GLI3: variants seen among roughly 807,000 people sequenced by gnomAD.
The protein encoded by GLI3 is GLI family zinc finger 3, also known as transcription activator GLI3.
A neutral mutation model predicts 100.8 loss-of-function variants in GLI3; 20 were observed. The ratio of observed to expected loss-of-function variants is 0.20; its 90% CI spans 0.14 to 0.29. The LOEUF is 0.29. GLI3 is among the 10% of genes least tolerant of loss of function. The pLI, the probability that GLI3 is intolerant of heterozygous loss-of-function variation, is 1.00. For missense variants in GLI3, 2,040 were observed against 2,128.5 expected, an observed-to-expected ratio of 0.96 and a Z score of 0.82; for synonymous variants, 938 against 860.5, an observed-to-expected ratio of 1.09 and a Z score of -1.58.
At chr7:42,234,167 C>T (rs1664446538) in intron 1 of GLI3, among the ~76,000 whole-genome samples, 1 of 152,204 alleles carries the variant, frequency 6.6e-6, no homozygotes. Flanking sequence ...CATTGATTCA[C>T]TTTTCCTTCA....
chr7:42,215,347 T>A (rs1788355366), intron 2 of GLI3, among the ~76,000 whole-genome samples: 1 of 152,102 alleles, frequency 6.6e-6, no homozygotes, highest in South Asian at 2.1e-4. Flanking sequence ...GTAAACAAGG[T>A]AACAGGGAGT....
At chr7:42,029,853 C>T (rs1230574465) in intron 7 of GLI3, among the ~76,000 whole-genome samples, 1 of 152,190 alleles carries the variant, frequency 6.6e-6, no homozygotes, top group African/African-American at 2.4e-5. Flanking sequence ...TGGCAGCACG[C>T]AGTACTCTCT....
chr7:42,243,298 T>C (rs145808194), intron 1 of GLI3, among the ~76,000 whole-genome samples: 1 of 152,294 alleles, frequency 6.6e-6, no homozygotes, highest in Non-Finnish European at 1.5e-5. Context: ...TGGTCCAGCA[T>C]GACTAGGAAA....
At position 41,961,285 on chromosome 7, in the gene GLI3, C is replaced by A. The variant is rs529485690; in HGVS notation, c.*3045G>T. 1 of 152,600 alleles carries A rather than the reference C, an allele frequency of 6.6e-6. No homozygotes were observed. The highest frequency in any genetic ancestry group is 1.9e-4 in the East Asian group (1 of 5,178). 9.5% of individuals were successfully genotyped at this position (152,600 alleles called of 1,614,324 possible). Reference sequence around the variant, plus strand: ...ATGTCTGCAGGATACACAAGGGTAACTTGTCAGAAGAGAACATCCTCCTAT... The same window carrying A: ...ATGTCTGCAGGATACACAAGGGTAAATTGTCAGAAGAGAACATCCTCCTAT... On this transcript the variant is annotated 3_prime_UTR_variant, in exon 15 of 15. Transcript: ENST00000395925.
At chr7:42,091,759 C>A (rs1039922754) in intron 3 of GLI3, among the ~76,000 whole-genome samples, 1 of 152,238 alleles carries the variant, frequency 6.6e-6, no homozygotes, top group Non-Finnish European at 1.5e-5. Context: ...GCTCGCTCGG[C>A]TCAGTTTATT....
chr7:42,178,621 C>T (rs1361310758), intron 2 of GLI3, among the ~76,000 whole-genome samples: 1 of 152,206 alleles, frequency 6.6e-6, no homozygotes, highest in African/African-American at 2.4e-5. Context: ...TGAGCTCCTA[C>T]TGTGTACTGG....
Position 42,116,558 on chromosome 7 carries a change from T to C in GLI3, c.367+31668A>G, listed in dbSNP as rs577759575. On this transcript the variant is annotated intron_variant, in intron 3 of 14. Transcript: ENST00000395925. ...TACGTGGGGATCTGTTTTCAACCCATTCGTAAAATCTATCCATTTGTTTTT... is the reference window on the plus strand; with the variant it reads ...TACGTGGGGATCTGTTTTCAACCCACTCGTAAAATCTATCCATTTGTTTTT... Among the ~76,000 whole-genome samples, 25 of 151,996 alleles carry C rather than the reference T, an allele frequency of 1.6e-4. 1 individual carries two copies. The highest frequency in any genetic ancestry group is 2.1e-4 in the Non-Finnish European group (14 of 67,976).
chr7:42,057,102 A>G (rs1784478879), intron 4 of GLI3, among the ~76,000 whole-genome samples: 2 of 152,286 alleles, frequency 1.3e-5, no homozygotes, highest in South Asian at 4.1e-4. Context: ...AAGCTAACCA[A>G]TGTCAACATT....
At chr7:42,108,277 C>T (rs1268483389) in intron 3 of GLI3, among the ~76,000 whole-genome samples, 1 of 152,214 alleles carries the variant, frequency 6.6e-6, no homozygotes, top group African/African-American at 2.4e-5. Context: ...ACGGAATTCA[C>T]AGATGTGTCT....
chr7:42,010,908 C>G (rs1282292110), intron 10 of GLI3, among the ~76,000 whole-genome samples: 1 of 152,076 alleles, frequency 6.6e-6, no homozygotes, highest in African/African-American at 2.4e-5. Context: ...TAGGAGGGAC[C>G]ACAGCAATAA....
intron 3 of GLI3, among the ~76,000 whole-genome samples, chr7:42,078,816 A>G (rs1254333092): frequency 3.0e-5 from 4 of 131,574 alleles, no homozygotes; most frequent in African/African-American, 8.8e-5. Context: ...TGTGAGCTCC[A>G]CCTCCCGGGT....
chr7:42,234,086 T>C (rs919443386), intron 1 of GLI3, among the ~76,000 whole-genome samples: 6 of 152,244 alleles, frequency 3.9e-5, no homozygotes, highest in African/African-American at 1.4e-4. Flanking sequence ...AGTCTGACTT[T>C]TAAGATAATC....
chr7:42,120,797 T>C (rs1038093171), intron 3 of GLI3, among the ~76,000 whole-genome samples: 5 of 152,194 alleles, frequency 3.3e-5, no homozygotes, highest in Admixed American at 1.3e-4. Flanking sequence ...AAGCTTAACT[T>C]TTTTTCTACA....
chr7:42,194,759 C>CTTTTTT lies in GLI3; in HGVS notation c.124+28365_124+28370dup, dbSNP rs61524545. Among the ~76,000 whole-genome samples the CTTTTTT allele has an allele frequency of 7.3e-4, 79 of 108,938 alleles. 5 individuals carry two copies. The highest frequency in any genetic ancestry group is 1.6e-3 in the South Asian group (5 of 3,104). The allele number at this position is 108,938 out of a possible 152,430, so 71.5% of individuals were successfully genotyped here. On this transcript the variant is annotated intron_variant, in intron 2 of 14. Coordinates refer to ENST00000395925, the MANE Select transcript of GLI3 (RefSeq NM_000168.6). ...AATGCATCAACTTCTCTCTCTGTCT[C>CTTTTTT]TTTTTTTTTTTTTTTTTGGAGTCGG... is the stretch of plus-strand genomic sequence containing the variant.
intron 1 of GLI3, among the ~76,000 whole-genome samples, chr7:42,231,781 T>C (rs1788700156): frequency 6.6e-6 from 1 of 152,192 alleles, no homozygotes; most frequent in African/African-American, 2.4e-5. Flanking sequence ...CCTTCATTAC[T>C]GCAATTTGAA....
intron 2 of GLI3, among the ~76,000 whole-genome samples, chr7:42,158,585 G>T (rs1583608623): frequency 6.6e-6 from 1 of 151,936 alleles, no homozygotes; most frequent in East Asian, 1.9e-4. Flanking sequence ...TGCCTCCCAG[G>T]TTCAAGCCAT....
chr7:42,217,271 G>A (rs552331663), intron 2 of GLI3, among the ~76,000 whole-genome samples: 28 of 152,272 alleles, frequency 1.8e-4, no homozygotes, highest in Admixed American at 1.4e-3. Context: ...AGGTGATGGT[G>A]CGGTTTCAAG....
At chr7:41,997,732 G>A (rs1016944135) in intron 10 of GLI3, among the ~76,000 whole-genome samples, 3 of 152,138 alleles carry the variant, frequency 2.0e-5, no homozygotes, top group Non-Finnish European at 2.9e-5. Context: ...TAGAGGAACT[G>A]TATCACATTC....
chr7:42,056,661 A>C (rs1245251039), intron 4 of GLI3, among the ~76,000 whole-genome samples: 1 of 152,078 alleles, frequency 6.6e-6, no homozygotes, highest in Non-Finnish European at 1.5e-5. Flanking sequence ...TTTGTAAATA[A>C]GTTTATTGGC....
Sources: gnomAD v4.1 joint callset for allele counts (sites outside exome capture counted in the v4.1 genomes callset) on GRCh38, gnomAD v4.1.1 for gene constraint, MANE v1.5 for transcripts, NCBI Gene and HGNC (gene_info 2026-07-23, HGNC 2026-07-21) for gene names.